Variants in DEPDC5 observed in about 807,000 individuals in gnomAD.
DEPDC5 encodes the protein GATOR1 complex protein DEPDC5.
In DEPDC5, 73 loss-of-function variants were observed where a neutral mutation model predicts 217.3. The ratio of observed to expected loss-of-function variants is 0.34; its 90% CI spans 0.28 to 0.41. DEPDC5 has a LOEUF of 0.41. DEPDC5 is among the 10% of genes least tolerant of loss of function. The pLI, the probability that DEPDC5 is intolerant of heterozygous loss-of-function variation, is 1.00. For synonymous variants in DEPDC5, 733 were observed against 756.7 expected (o/e 0.97, Z 0.51); for missense variants, 1,675 against 2,070.1 (o/e 0.81, Z 3.70).
intron 5 of DEPDC5, 138 bp downstream of exon 5, chr22:31,765,198 A>G: frequency 1.5e-6 from 1 of 686,672 alleles, no homozygotes; most frequent in Non-Finnish European, 2.6e-6. Context: ...TGGTAATTTC[A>G]GTACATCAGG....
intron 7 of DEPDC5, among the ~76,000 whole-genome samples, chr22:31,770,413 C>T (rs929708154): frequency 2.6e-5 from 4 of 151,106 alleles, no homozygotes; most frequent in Non-Finnish European, 2.9e-5. Context: ...CAGAGTCTTG[C>T]TCTGTCACCC....
chr22:31,842,746 G>A (rs1230528149), intron 27 of DEPDC5, among the ~76,000 whole-genome samples: 1 of 152,180 alleles, frequency 6.6e-6, no homozygotes, highest in Non-Finnish European at 1.5e-5. Flanking sequence ...AAGGTGGGCA[G>A]CTTATGCTGG....
Position 31,778,212 on chromosome 22 carries a change from A to T in DEPDC5, c.483+44A>T, listed in dbSNP as rs7286557. On this transcript the variant is annotated intron_variant, in intron 8 of 42. Transcript: ENST00000651528. The stretch of plus-strand genomic sequence containing the variant: ...TTTTTTGGTTTTATCTCTCCATACT[A>T]TTATGGCTAAGTCCTAAAATCAAAA... The T allele has an allele frequency of 1.8e-4, 278 of 1,573,528 alleles. 2 individuals are homozygous for T. Among genetic ancestry groups the T allele is most frequent in the Non-Finnish European group, 2.3e-4 (260 of 1,143,414 alleles).
intron 21 of DEPDC5, chr22:31,817,402 G>GCA: frequency 2.3e-6 from 1 of 426,668 alleles, no homozygotes; most frequent in Non-Finnish European, 4.6e-6. Context: ...GAGCCACCTT[G>GCA]CCTGGCCAAA....
chr22:31,822,616 C>T, intron 23 of DEPDC5, 77 bp from the exon 24 acceptor site: 2 of 1,417,440 alleles, frequency 1.4e-6, no homozygotes, highest in Non-Finnish European at 9.8e-7. Flanking sequence ...CTACCTCCCA[C>T]CCCCGGGATA....
At chr22:31,822,970 A>G in intron 24 of DEPDC5, 180 bp downstream of exon 24, 1 of 590,124 alleles carries the variant, frequency 1.7e-6, no homozygotes, top group East Asian at 3.1e-5. Context: ...GCTGCACGTT[A>G]ACATTTTTAG....
chr22:31,826,558 T>A, intron 24 of DEPDC5: 1 of 389,232 alleles, frequency 2.6e-6, no homozygotes, highest in Non-Finnish European at 5.0e-6. Flanking sequence ...ACTTAGTTTA[T>A]TATTCAGCTG....
chr22:31,875,615 G>A (rs2149263547), intron 36 of DEPDC5: 1 of 149,920 alleles, frequency 6.7e-6, no homozygotes, highest in South Asian at 2.1e-4. Flanking sequence ...TAGAATAGTG[G>A]CATATGTGGA....
At chr22:31,774,184 C>T (rs1483766940) in intron 7 of DEPDC5, among the ~76,000 whole-genome samples, 1 of 151,738 alleles carries the variant, frequency 6.6e-6, no homozygotes, top group Non-Finnish European at 1.5e-5. Context: ...TAAACCCTAG[C>T]CTGTTGGATC....
At chr22:31,877,696 G>GCC (rs2149277999) in intron 37 of DEPDC5, among the ~76,000 whole-genome samples, 1 of 60,288 alleles carries the variant, frequency 1.7e-5, no homozygotes, top group Admixed American at 2.8e-4. Context: ...GTTGCAGTAA[G>GCC]ATGAGATCAC....
In DEPDC5 at chr22:31,819,089, C is replaced by T. The variant is rs1162714225; in HGVS notation, c.1734C>T (p.Gly578=). The change falls in exon 22 of 43, where the codon GGC becomes GGT. Residue 578 remains glycine, a synonymous_variant. Coordinates refer to ENST00000651528, the MANE Select transcript of DEPDC5 (RefSeq NM_001242896.3). ...GTGCACCAGGGAGGTTTCACGTTGGCAGTGCAGAATCCATGCTGCATGTTC... is the reference window on the plus strand; with the variant it reads ...GTGCACCAGGGAGGTTTCACGTTGGTAGTGCAGAATCCATGCTGCATGTTC... ...DSSAPGRFHV[G]SAESMLHVRP... The T allele has an allele frequency of 6.2e-7, 1 of 1,614,162 alleles. No individual in the cohort carries two copies. The highest frequency in any genetic ancestry group is 8.5e-7 in the Non-Finnish European group (1 of 1,180,014).
chr22:31,769,077 G>A (rs970997016), intron 7 of DEPDC5: 7 of 370,452 alleles, frequency 1.9e-5, no homozygotes, highest in Middle Eastern at 8.1e-4. Context: ...TGGCTAACAC[G>A]GTGAAACCCC....
chr22:31,790,115 C>T lies in DEPDC5; in HGVS notation c.625-1918C>T, dbSNP rs762622643. On this transcript the variant is annotated intron_variant, in intron 10 of 42. Transcript: ENST00000651528. ...GCTGATTTTGGAGCTCTTGGACTCC[C>T]GTGAATTAATTGGCAGTCAGTGAAG... Among the ~76,000 whole-genome samples the T allele has an allele frequency of 3.3e-4, 50 of 152,122 alleles. 1 individual carries two copies. Among genetic ancestry groups the T allele is most frequent in the Non-Finnish European group, 6.8e-4 (46 of 68,026 alleles).
chr22:31,892,189 G>A (rs1216413944), intron 38 of DEPDC5, among the ~76,000 whole-genome samples: 2 of 152,212 alleles, frequency 1.3e-5, no homozygotes, highest in African/African-American at 4.8e-5. Context: ...TAGCCTGGCT[G>A]AGGTTCTGAT....
At chr22:31,900,705 C>T (rs1353336397) in intron 40 of DEPDC5, among the ~76,000 whole-genome samples, 3 of 151,494 alleles carry the variant, frequency 2.0e-5, no homozygotes, top group African/African-American at 7.3e-5. Context: ...TGCCATTGCA[C>T]TCCAGCCTGG....
At chr22:31,846,585 T>G (rs770439507) in intron 30 of DEPDC5, among the ~76,000 whole-genome samples, 4 of 152,204 alleles carry the variant, frequency 2.6e-5, no homozygotes, top group Non-Finnish European at 4.4e-5. Flanking sequence ...CTAACATTAT[T>G]TACATCATAG....
intron 38 of DEPDC5, among the ~76,000 whole-genome samples, chr22:31,890,723 T>C (rs2093422481): frequency 6.6e-6 from 1 of 151,236 alleles, no homozygotes; most frequent in Non-Finnish European, 1.5e-5. Context: ...AAAAGATTTT[T>C]AAAATTTTTA....
chr22:31,884,945 T>C (rs971231203), intron 38 of DEPDC5, among the ~76,000 whole-genome samples: 1 of 152,248 alleles, frequency 6.6e-6, no homozygotes, highest in East Asian at 1.9e-4. Context: ...AGTTTACCTT[T>C]TAGTTACCTT....
chr22:31,829,619 C>G (rs1569037450), intron 24 of DEPDC5, among the ~76,000 whole-genome samples: 1 of 152,144 alleles, frequency 6.6e-6, no homozygotes, highest in Admixed American at 6.5e-5. Context: ...TCTGCAGGCA[C>G]TCAAGCGTGA....
Sources: gnomAD v4.1 joint callset for allele counts (sites outside exome capture counted in the v4.1 genomes callset) on GRCh38, gnomAD v4.1.1 for gene constraint, MANE v1.5 for transcripts, NCBI Gene and HGNC (gene_info 2026-07-23, HGNC 2026-07-21) for gene names.